ZNF473: variants seen among roughly 807,000 people sequenced by gnomAD.
ZNF473 encodes zinc finger protein 473, also known as zinc finger protein 100 homolog.
ZNF473 carries 4 observed loss-of-function variants against 11.1 expected under a neutral mutation model. The ratio of observed to expected loss-of-function variants is 0.36; its 90% CI spans 0.18 to 0.82. The LOEUF (loss-of-function observed/expected upper bound fraction) is 0.82. Ranked by LOEUF, ZNF473 falls within the 40% of genes least tolerant of loss-of-function variation. The pLI, the probability that ZNF473 is intolerant of heterozygous loss-of-function variation, is 0.49. For synonymous variants in ZNF473, 404 were observed against 390.4 expected (o/e 1.03, Z -0.41); for missense variants, 854 against 1,084.0 (o/e 0.79, Z 2.98).
At chr19:50,029,875 G>A (rs2077309087) in intron 1 of ZNF473, among the ~76,000 whole-genome samples, 3 of 151,324 alleles carry the variant, frequency 2.0e-5, no homozygotes, top group Admixed American at 1.3e-4. Context: ...TTTTTGAGAT[G>A]GAGTCTCACT....
At position 50,048,072 on chromosome 19, in the gene ZNF473, C is replaced by T. The variant is rs1489319458; in HGVS notation, c.*1013C>T. 2 of 152,102 alleles carry T rather than the reference C, an allele frequency of 1.3e-5. No homozygotes were observed. Among genetic ancestry groups the T allele is most frequent in the Non-Finnish European group, 2.9e-5 (2 of 68,036 alleles). 9.4% of individuals were successfully genotyped at this position (152,102 alleles called of 1,614,324 possible). A position where few individuals can be genotyped will look rare whatever the true frequency, so the allele number is the denominator to read the frequency against. ...GCGGGTAGTATCCATACACTATGCA[C>T]TACTGCTCTGAAGCTTCTGGAATCA... On this transcript the variant is annotated 3_prime_UTR_variant, in exon 5 of 5. Coordinates refer to ENST00000270617, the MANE Select transcript of ZNF473 (RefSeq NM_015428.4).
intron 1 of ZNF473, among the ~76,000 whole-genome samples, chr19:50,029,965 C>T (rs970391132): frequency 4.6e-5 from 7 of 152,014 alleles, no homozygotes; most frequent in African/African-American, 1.7e-4. Flanking sequence ...GATTCTTTGC[C>T]TCAGCCTTCC....
At position 50,045,861 on chromosome 19, in the gene ZNF473, A is replaced by G. The variant is rs1330254182; in HGVS notation, c.1418A>G (p.His473Arg). 2 of 1,614,036 alleles carry G rather than the reference A, an allele frequency of 1.2e-6. No individual in the cohort carries two copies. Among genetic ancestry groups the G allele is most frequent in the Non-Finnish European group, 1.7e-6 (2 of 1,180,044 alleles). Residue 473 changes from histidine to arginine, a missense_variant, in exon 5 of 5, where the codon CAT becomes CGT. Physicochemically the swap from His to Arg is conservative, Grantham distance 29. Transcript: ENST00000270617. ...GTCAGGAGTTTCAGCCGGCCCTCAC[A>G]TCTGATGCGACATCAGGCCATTCAC... Reference protein sequence around the residue: ...ECVRSFSRPSHLMRHQAIHTA... With the variant: ...ECVRSFSRPSRLMRHQAIHTA...
rs1979148230 is a variant in ZNF473 at position 50,046,699 on chromosome 19, C to T, written c.2256C>T (p.His752=). ...AGCTTGTCCGCCACCAGAGAATTCA[C>T]ACTGGAGAAAAGCCTTATGTTTGTC... The part of the protein sequence containing the change: ...SAELVRHQRI[H]TGEKPYVCQE... The change falls in exon 5 of 5, where the codon CAC becomes CAT. Residue 752 remains histidine (H), a synonymous_variant. Coordinates refer to ENST00000270617, the MANE Select transcript of ZNF473 (RefSeq NM_015428.4). This position sits in a 1 kb window ranked among gnomAD's most constrained non-coding sequence, Gnocchi z 5.9. 4 of 1,614,218 alleles carry T rather than the reference C, an allele frequency of 2.5e-6. No homozygotes were observed. Among genetic ancestry groups the T allele is most frequent in the Non-Finnish European group, 3.4e-6 (4 of 1,180,026 alleles).
chr19:50,043,595 C>T (rs1978909864), intron 4 of ZNF473, among the ~76,000 whole-genome samples: 2 of 151,740 alleles, frequency 1.3e-5, no homozygotes. Context: ...TGCCTGTGAA[C>T]AAGCATACCA....
Position 50,039,726 on chromosome 19 carries a change from C to T in ZNF473, c.136+439C>T, listed in dbSNP as rs283519. On this transcript the variant is annotated intron_variant, in intron 3 of 4. Coordinates refer to ENST00000270617, the MANE Select transcript of ZNF473 (RefSeq NM_015428.4). This position sits in a 1 kb window ranked among gnomAD's most constrained non-coding sequence, Gnocchi z 4.8. ...CCAGTTGCCCTCCCCTCTGCCTAAG[C>T]GGCTCTCAGGGCTTACATTTTTAAA... Among the ~76,000 whole-genome samples the T allele has an allele frequency of 2.7e-3, 412 of 152,334 alleles. 3 individuals are homozygous for T. The highest frequency in any genetic ancestry group is 6.8e-3 in the African/African-American group (283 of 41,580).
At chr19:50,040,748 T>C (rs1453391480) in intron 3 of ZNF473, 1 of 152,212 alleles carries the variant, frequency 6.6e-6, no homozygotes, top group Non-Finnish European at 1.5e-5. Context: ...AATAATTTAC[T>C]CCAAAAGATG....
intron 2 of ZNF473, among the ~76,000 whole-genome samples, chr19:50,038,660 A>G (rs1013856031): frequency 2.0e-5 from 3 of 152,208 alleles, no homozygotes; most frequent in Non-Finnish European, 4.4e-5. Context: ...CGAGCTAGCT[A>G]TAAAGACACA....
chr19:50,040,422 C>T (rs767305135), intron 3 of ZNF473: 1 of 152,286 alleles, frequency 6.6e-6, no homozygotes, highest in Non-Finnish European at 1.5e-5. Flanking sequence ...TCCAGCCCCC[C>T]AGAAGGAAAG....
In ZNF473 at chr19:50,048,297, C is replaced by A. The variant is rs1184540913; in HGVS notation, c.*1238C>A. On this transcript the variant is annotated 3_prime_UTR_variant, in exon 5 of 5. Transcript: ENST00000270617. Reference sequence around the variant, plus strand: ...GTTCCCTGCCACTAAGTGGCTCAGTCACACCTTTGCTGAAACACAGTAGTC... The same window carrying A: ...GTTCCCTGCCACTAAGTGGCTCAGTAACACCTTTGCTGAAACACAGTAGTC... The A allele has an allele frequency of 6.6e-6, 1 of 152,242 alleles. No homozygotes were observed. Among genetic ancestry groups the A allele is most frequent in the African/African-American group, 2.4e-5 (1 of 41,456 alleles). 9.4% of individuals were successfully genotyped at this position (152,242 alleles called of 1,614,324 possible).
Position 50,047,076 on chromosome 19 carries a change from G to A in ZNF473, c.*17G>A. The A allele has an allele frequency of 6.3e-7, 1 of 1,590,470 alleles. No homozygotes were observed. ...TGCCTGTAGCCATTGGGTGGCAGCA[G>A]AGTCCCAGAATATGAGACCGTTACT... On this transcript the variant is annotated 3_prime_UTR_variant, in exon 5 of 5. Coordinates refer to ENST00000270617, the MANE Select transcript of ZNF473 (RefSeq NM_015428.4).
chr19:50,026,369 T>C (rs2122780086), intron 1 of ZNF473, among the ~76,000 whole-genome samples: 1 of 151,936 alleles, frequency 6.6e-6, no homozygotes, highest in South Asian at 2.1e-4. Context: ...CAGGAGTTCC[T>C]CGAACCCCCA....
Position 50,046,342 on chromosome 19 carries a change from T to C in ZNF473, c.1899T>C (p.Leu633=). ...GGAAAGCCATCAGCAGTGCCTCCCT[T>C]ATCAAACTTCAGTCCTTCCACACAA... ...EQGKAISSAS[L]IKLQSFHTKE... Residue 633 remains leucine, a synonymous_variant, in exon 5 of 5, where the codon CTT becomes CTC. Coordinates refer to ENST00000270617, the MANE Select transcript of ZNF473 (RefSeq NM_015428.4). This position sits in a 1 kb window ranked among gnomAD's most constrained non-coding sequence, Gnocchi z 5.9. The C allele has an allele frequency of 6.2e-7, 1 of 1,614,152 alleles. No individual in the cohort carries two copies. The highest frequency in any genetic ancestry group is 8.5e-7 in the Non-Finnish European group (1 of 1,180,012).
At chr19:50,028,166 C>A (rs1462541702) in intron 1 of ZNF473, among the ~76,000 whole-genome samples, 1 of 151,956 alleles carries the variant, frequency 6.6e-6, no homozygotes. Flanking sequence ...GGCGTGGTGG[C>A]AGGCGCTTGT....
intron 2 of ZNF473, among the ~76,000 whole-genome samples, chr19:50,036,314 C>CTTTT (rs35619461): frequency 9.2e-6 from 1 of 108,792 alleles, no homozygotes; most frequent in South Asian, 3.1e-4. Context: ...GAGGTGGGGC[C>CTTTT]TTTTTTTTTT....
rs766092978 is a variant in ZNF473, at chr19:50,041,735, C to G, written c.142C>G (p.Pro48Ala). The part of the protein sequence containing the change: ...NCQDLFLLDP[P>A]RPNLTSHPDG... ...ATGCTTTTCTCTCCCTGCAGACCCC[C>G]CAAGACCCAACCTGACCTCCCACCC... Residue 48 changes from proline (P) to alanine (A), a missense_variant, in exon 4 of 5, where the codon CCA becomes GCA. Physicochemically the swap from Pro to Ala is conservative, Grantham distance 27. Coordinates refer to ENST00000270617, the MANE Select transcript of ZNF473 (RefSeq NM_015428.4). 2 of 1,610,766 alleles carry G rather than the reference C, an allele frequency of 1.2e-6. No individual in the cohort carries two copies. The highest frequency in any genetic ancestry group is 1.3e-5 in the African/African-American group (1 of 74,648).
rs2122834249 is a variant in ZNF473 at position 50,039,779 on chromosome 19, C to T, written c.136+492C>T. ...TTAACCTGGGACCCTGTTAGAACTC[C>T]ATACCTCCTCTCCTACTCATCTTGT... is the stretch of plus-strand genomic sequence containing the variant. On this transcript the variant is annotated intron_variant, in intron 3 of 4. Transcript: ENST00000270617. The surrounding 1 kb of genome is among the most constrained non-coding windows in gnomAD (Gnocchi z 4.8). Among the ~76,000 whole-genome samples the T allele has an allele frequency of 6.6e-6, 1 of 152,360 alleles. No individual in the cohort carries two copies. Among genetic ancestry groups the T allele is most frequent in the Admixed American group, 6.5e-5 (1 of 15,298 alleles).
In ZNF473 at chr19:50,045,871, A is replaced by G. The variant is rs1469302597; in HGVS notation, c.1428A>G (p.Arg476=). The change falls in exon 5 of 5, where the codon CGA becomes CGG. Residue 476 remains arginine (R), a synonymous_variant. Coordinates refer to ENST00000270617, the MANE Select transcript of ZNF473 (RefSeq NM_015428.4). The part of the protein sequence containing the change: ...RSFSRPSHLM[R]HQAIHTAEKP... ...TCAGCCGGCCCTCACATCTGATGCG[A>G]CATCAGGCCATTCACACCGCAGAAA... The G allele has an allele frequency of 6.2e-7, 1 of 1,614,146 alleles. No homozygotes were observed. Among genetic ancestry groups the G allele is most frequent in the South Asian group, 1.1e-5 (1 of 91,076 alleles).
chr19:50,029,205 C>A (rs76856727), intron 1 of ZNF473, among the ~76,000 whole-genome samples: 7,974 of 152,246 alleles, frequency 0.052, 687 homozygotes, highest in African/African-American at 0.18. Context: ...GTGCATGGCG[C>A]CATCTCGGCT....
Sources: gnomAD v4.1 joint callset for allele counts (sites outside exome capture counted in the v4.1 genomes callset) on GRCh38, gnomAD v4.1.1 for gene constraint, Gnocchi (gnomAD v3.1) non-coding constraint, MANE v1.5 for transcripts, NCBI Gene and HGNC (gene_info 2026-07-23, HGNC 2026-07-21) for gene names.